The following RPAP2 variants were observed in gnomAD, a reference collection of about 807,000 sequenced individuals.
The protein encoded by RPAP2 is putative RNA polymerase II subunit B1 CTD phosphatase RPAP2.
A neutral mutation model predicts 73.1 loss-of-function variants in RPAP2; 52 were observed. That is an observed-to-expected ratio of 0.71 (90% CI 0.57 to 0.90). The LOEUF (loss-of-function observed/expected upper bound fraction) is 0.90, where lower values mean the gene tolerates loss of function less well. Ranked by LOEUF, RPAP2 falls within the 40% of genes least tolerant of loss-of-function variation. RPAP2 has a pLI of 0.00. For missense variants in RPAP2, 598 were observed against 701.8 expected, an observed-to-expected ratio of 0.85 and a Z score of 1.67; for synonymous variants, 225 against 242.1, an observed-to-expected ratio of 0.93 and a Z score of 0.65.
At chr1:92,342,320 G>C (rs1653639008) in intron 10 of RPAP2, among the ~76,000 whole-genome samples, 1 of 152,206 alleles carries the variant, frequency 6.6e-6, no homozygotes, top group South Asian at 2.1e-4. Context: ...ACTAAACCAG[G>C]AGCAGGCCTG....
intron 11 of RPAP2, among the ~76,000 whole-genome samples, chr1:92,349,510 G>A (rs1428351703): frequency 1.3e-5 from 2 of 152,094 alleles, no homozygotes; most frequent in African/African-American, 2.4e-5. Context: ...GATAGTCCAG[G>A]ATAACATAAA....
At chr1:92,381,347 T>C (rs1165451261) in intron 12 of RPAP2, among the ~76,000 whole-genome samples, 1 of 152,212 alleles carries the variant, frequency 6.6e-6, no homozygotes, top group East Asian at 1.9e-4. Flanking sequence ...TCTGACTTTG[T>C]TGAATCCTAA....
At chr1:92,348,784 C>T (rs1032044032) in intron 11 of RPAP2, among the ~76,000 whole-genome samples, 2 of 152,188 alleles carry the variant, frequency 1.3e-5, no homozygotes, top group Admixed American at 6.5e-5. Context: ...CCATTGACTT[C>T]TATAAAGTAT....
At chr1:92,366,455 A>G (rs941030529) in intron 11 of RPAP2, among the ~76,000 whole-genome samples, 3 of 152,196 alleles carry the variant, frequency 2.0e-5, no homozygotes, top group Non-Finnish European at 4.4e-5. Context: ...GGCCCAGTCC[A>G]TGTTATTTTA....
intron 2 of RPAP2, 137 bp downstream of exon 2, chr1:92,300,376 G>C: frequency 1.5e-6 from 1 of 684,604 alleles, no homozygotes; most frequent in Non-Finnish European, 2.5e-6. Flanking sequence ...ATCTGGGAAG[G>C]CCTATAAATT....
intron 11 of RPAP2, among the ~76,000 whole-genome samples, chr1:92,379,193 T>C (rs1487317590): frequency 6.6e-6 from 1 of 152,258 alleles, no homozygotes; most frequent in Non-Finnish European, 1.5e-5. Context: ...ACTGATCTGC[T>C]CTGATTTCTT....
intron 7 of RPAP2, among the ~76,000 whole-genome samples, chr1:92,321,929 A>G (rs1652289308): frequency 6.6e-6 from 1 of 150,876 alleles, no homozygotes. Context: ...AGAAACCGAT[A>G]ATGAAATTTT....
At chr1:92,352,058 T>G (rs762381558) in intron 11 of RPAP2, among the ~76,000 whole-genome samples, 6 of 152,216 alleles carry the variant, frequency 3.9e-5, no homozygotes, top group Non-Finnish European at 7.3e-5. Context: ...TAGTCTAACA[T>G]GGATACATGC....
rs1386249538 is a variant in RPAP2 at position 92,397,510 on chromosome 1, A to G, written c.*10499A>G. On this transcript the variant is annotated 3_prime_UTR_variant, in exon 13 of 13. Coordinates refer to ENST00000610020, the MANE Select transcript of RPAP2 (RefSeq NM_024813.3). ...ACAAGTCTAGAGACCTCAGGTGAGG[A>G]GCCAGTAGCTCAGTATAGAAACTAA... 6.6e-6 allele frequency: 1 copy of G among 152,160 alleles called. No individual in the cohort carries two copies. The highest frequency in any genetic ancestry group is 2.4e-5 in the African/African-American group (1 of 41,434). 9.4% of individuals were successfully genotyped at this position (152,160 alleles called of 1,614,324 possible).
intron 12 of RPAP2, among the ~76,000 whole-genome samples, chr1:92,384,089 CTGGGACTACAGGCG>C (rs935611320): frequency 6.6e-6 from 1 of 151,566 alleles, no homozygotes; most frequent in Admixed American, 6.6e-5. Flanking sequence ...CTCCCTGTAG[CTGGGACTACAGGCG>C]TGCACCACCA....
In RPAP2 at chr1:92,388,619, G is replaced by A. The variant is rs575037879; in HGVS notation, c.*1608G>A. 2 of 152,372 alleles carry A rather than the reference G, an allele frequency of 1.3e-5. No homozygotes were observed. Among genetic ancestry groups the A allele is most frequent in the South Asian group, 4.1e-4 (2 of 4,830 alleles). 9.4% of individuals were successfully genotyped at this position (152,372 alleles called of 1,614,324 possible). The stretch of plus-strand genomic sequence containing the variant: ...CGGGGGATTTCCCTTTCCTAGCCAA[G>A]GGAAGCCGTGAGTGACTATACCTGG... On this transcript the variant is annotated 3_prime_UTR_variant, in exon 13 of 13. Transcript: ENST00000610020.
rs758558564 is a variant in RPAP2, at chr1:92,345,901, G to T, written c.1675G>T (p.Val559Leu). ...TGCGGAATGGACTTTAATTGCTATG[G>T]TGTTGCTGTCATTGTAAGTACTCTC... ...KPAEWTLIAM[V>L]LLSLLTPILG... The change falls in exon 11 of 13, where the codon GTG becomes TTG. Residue 559 changes from valine to leucine, a missense_variant. Transcript: ENST00000610020. 6.2e-7 allele frequency: 1 copy of T among 1,603,156 alleles called. No homozygotes were observed. The highest frequency in any genetic ancestry group is 1.3e-5 in the African/African-American group (1 of 74,660).
Position 92,323,528 on chromosome 1 carries a change from A to G in RPAP2, c.608A>G (p.Gln203Arg), listed in dbSNP as rs759997188. 2 of 1,613,910 alleles carry G rather than the reference A, an allele frequency of 1.2e-6. No homozygotes were observed. Among genetic ancestry groups the G allele is most frequent in the African/African-American group, 1.3e-5 (1 of 75,052 alleles). The change falls in exon 8 of 13, where the codon CAA becomes CGA. Residue 203 changes from glutamine (Q) to arginine (R), a missense_variant. By Grantham distance (43) the Gln-to-Arg change is conservative. Transcript: ENST00000610020. ...DIDNPSHFEK[Q>R]YESSSSSTHS... is the part of the protein sequence containing the mutation. ...GACAATCCTAGCCACTTTGAAAAGCAATATGAATCTAGTTCTTCTAGCACT... is the reference window on the plus strand; with the variant it reads ...GACAATCCTAGCCACTTTGAAAAGCGATATGAATCTAGTTCTTCTAGCACT...
intron 11 of RPAP2, among the ~76,000 whole-genome samples, chr1:92,373,733 T>TAAAAAAAAAAAAAAAAAAA (rs1395822870): frequency 2.4e-5 from 1 of 40,892 alleles, no homozygotes; most frequent in African/African-American, 9.6e-5. Flanking sequence ...CCGTCTCTAC[T>TAAAAAAAAAAAAAAAAAAA]AAAAATAAAA....
At chr1:92,314,352 T>G (rs377027485) in intron 6 of RPAP2, among the ~76,000 whole-genome samples, 10 of 114,066 alleles carry the variant, frequency 8.8e-5, no homozygotes, top group African/African-American at 3.0e-4. Flanking sequence ...GGTTTTTGGG[T>G]TTTTTTTTTT....
rs1472181148 is a variant in RPAP2, at chr1:92,345,913, T to C, written c.1687T>C (p.Leu563=). ...TTTAATTGCTATGGTGTTGCTGTCA[T>C]TGTAAGTACTCTCTCAGATTTTAAC... ...WTLIAMVLLS[L]LTPILGIQKH... Residue 563 remains leucine, a splice_region_variant and synonymous_variant, in exon 11 of 13, where the codon TTA becomes CTA. Coordinates refer to ENST00000610020, the MANE Select transcript of RPAP2 (RefSeq NM_024813.3). 1.3e-6 allele frequency: 2 copies of C among 1,591,494 alleles called. No homozygotes were observed. Among genetic ancestry groups the C allele is most frequent in the African/African-American group, 2.7e-5 (2 of 74,502 alleles).
At chr1:92,357,165 A>T (rs182524116) in intron 11 of RPAP2, among the ~76,000 whole-genome samples, 1 of 152,230 alleles carries the variant, frequency 6.6e-6, no homozygotes, top group African/African-American at 2.4e-5. Context: ...ACTGTGTCTT[A>T]GACCCTGTAG....
chr1:92,337,965 T>A (rs989394177), intron 10 of RPAP2, among the ~76,000 whole-genome samples: 4 of 152,216 alleles, frequency 2.6e-5, no homozygotes, highest in Admixed American at 6.5e-5. Context: ...TCCCAAGATA[T>A]GTTCTTGAGA....
rs926973963 is a variant in RPAP2 at position 92,333,326 on chromosome 1, C to T, written c.1456-65C>T. 2.3e-6 allele frequency: 3 copies of T among 1,284,514 alleles called. No homozygotes were observed. In the African/African-American group the frequency reaches 4.4e-5, roughly 19 times the overall value. The allele number at this position is 1,284,514 out of a possible 1,614,324, so 79.6% of individuals were successfully genotyped here. On this transcript the variant is annotated intron_variant, in intron 8 of 12. Coordinates refer to ENST00000610020, the MANE Select transcript of RPAP2 (RefSeq NM_024813.3). ...CTTTTGTGTTTTAATGTTTATTGTT[C>T]TGCTTATCAAAGAAAGAATGTAAAC...
Sources: gnomAD v4.1 joint callset for allele counts (sites outside exome capture counted in the v4.1 genomes callset) on GRCh38, gnomAD v4.1.1 for gene constraint, MANE v1.5 for transcripts, NCBI Gene and HGNC (gene_info 2026-07-23, HGNC 2026-07-21) for gene names.